Variants in OPRM1 observed in about 807,000 individuals in gnomAD.
OPRM1 encodes opioid receptor mu 1, also known as mu-type opioid receptor.
A neutral mutation model predicts 31.8 loss-of-function variants in OPRM1; 27 were observed. The ratio of observed to expected loss-of-function variants is 0.85; its 90% CI spans 0.63 to 1.17. OPRM1 has a LOEUF of 1.17. Ranked by LOEUF, OPRM1 falls within the 50% of genes most tolerant of loss-of-function variation. The probability of loss-of-function intolerance (pLI) is 0.00; values close to 1 mark genes in which losing one functional copy is unlikely to be tolerated. For missense variants in OPRM1, 536 were observed against 511.1 expected (o/e 1.05, Z -0.47); for synonymous variants, 196 against 189.9 (o/e 1.03, Z -0.26).
downstream of OPRM1, among the ~76,000 whole-genome samples, chr6:154,135,293 AC>A (rs930105007): frequency 2.0e-5 from 3 of 152,026 alleles, no homozygotes; most frequent in African/African-American, 7.2e-5. Flanking sequence ...ACATGGCAAC[AC>A]CCCGTCTCTA....
intron 1 of OPRM1, among the ~76,000 whole-genome samples, chr6:154,026,328 T>C (rs1046525013): frequency 1.5e-4 from 23 of 152,108 alleles, no homozygotes; most frequent in African/African-American, 5.1e-4. Context: ...AATTGTATGT[T>C]GTTTGTTTCT....
In OPRM1 at chr6:154,125,292, C is replaced by T. The variant is rs1324760647; in HGVS notation, c.*6571C>T. ...ACCTGAATTTGCCTCTATCATGCATCTCAATGATTTGTTGTCATCCAAAGC... is the reference window on the plus strand; with the variant it reads ...ACCTGAATTTGCCTCTATCATGCATTTCAATGATTTGTTGTCATCCAAAGC... On this transcript the variant is annotated 3_prime_UTR_variant, in exon 4 of 4. Coordinates refer to ENST00000330432, the MANE Select transcript of OPRM1 (RefSeq NM_000914.5). Among the ~76,000 whole-genome samples, 1 of 152,200 alleles carries T rather than the reference C, an allele frequency of 6.6e-6. No individual in the cohort carries two copies. The highest frequency in any genetic ancestry group is 1.5e-5 in the Non-Finnish European group (1 of 68,036).
At chr6:154,019,826 C>G (rs375395095) in intron 1 of OPRM1, among the ~76,000 whole-genome samples, 2 of 150,456 alleles carry the variant, frequency 1.3e-5, no homozygotes, top group South Asian at 4.2e-4. Flanking sequence ...CTCTCCTTTC[C>G]GGGCTCAAGC....
chr6:154,246,540 A>G, intron 3 of OPRM1: 1 of 1,560,418 alleles, frequency 6.4e-7, no homozygotes, highest in South Asian at 1.2e-5. Context: ...GATGCCTTTA[A>G]CGTATCCCTC....
At chr6:154,133,304 G>C (rs1451828186), downstream of OPRM1, among the ~76,000 whole-genome samples, 1 of 152,028 alleles carries the variant, frequency 6.6e-6, no homozygotes, top group Admixed American at 6.6e-5. Context: ...TTTTTATCTT[G>C]TCCTTCTTCT....
chr6:154,031,708 T>C (rs751750652), intron 1 of OPRM1, among the ~76,000 whole-genome samples: 7 of 152,066 alleles, frequency 4.6e-5, no homozygotes, highest in Non-Finnish European at 8.8e-5. Context: ...GCCATTGCAC[T>C]CCAGCCTGGG....
At chr6:154,211,762 T>C (rs1010564962) in intron 3 of OPRM1, among the ~76,000 whole-genome samples, 2 of 152,214 alleles carry the variant, frequency 1.3e-5, no homozygotes, top group Non-Finnish European at 2.9e-5. Flanking sequence ...AGTGATTGTG[T>C]TTTTTGCATT....
intron 3 of OPRM1, among the ~76,000 whole-genome samples, chr6:154,150,220 C>T (rs1433867568): frequency 6.6e-6 from 1 of 152,196 alleles, no homozygotes; most frequent in African/African-American, 2.4e-5. Flanking sequence ...TGGGCTCTTG[C>T]CCAGCATGAA....
chr6:154,166,451 T>A (rs770872781), intron 3 of OPRM1, among the ~76,000 whole-genome samples: 1 of 152,244 alleles, frequency 6.6e-6, no homozygotes, highest in Non-Finnish European at 1.5e-5. Flanking sequence ...AACTACAGCT[T>A]ATTATCCGTT....
chr6:154,177,933 T>C (rs1800484520), intron 3 of OPRM1, among the ~76,000 whole-genome samples: 1 of 152,162 alleles, frequency 6.6e-6, no homozygotes, highest in South Asian at 2.1e-4. Context: ...ATGTGTCACA[T>C]ATACACCATG....
chr6:154,180,657 T>C (rs1014867002), intron 3 of OPRM1, among the ~76,000 whole-genome samples: 1 of 152,110 alleles, frequency 6.6e-6, no homozygotes, highest in African/African-American at 2.4e-5. Context: ...TGCTATATTT[T>C]CAACTCTGCC....
At chr6:154,240,634 G>T (rs1160715233) in intron 3 of OPRM1, among the ~76,000 whole-genome samples, 1 of 152,148 alleles carries the variant, frequency 6.6e-6, no homozygotes, top group East Asian at 1.9e-4. Context: ...TCTGCCCAAT[G>T]TAAAAAGTGA....
intron 1 of OPRM1, among the ~76,000 whole-genome samples, chr6:154,012,683 T>C (rs532030371): frequency 6.6e-6 from 1 of 152,284 alleles, no homozygotes; most frequent in East Asian, 1.9e-4. Flanking sequence ...TTTCTAAAAA[T>C]GAATGAAATG....
chr6:154,202,708 A>T (rs1777169053), intron 3 of OPRM1, among the ~76,000 whole-genome samples: 1 of 152,122 alleles, frequency 6.6e-6, no homozygotes. Flanking sequence ...AAGTATCAAG[A>T]CCTGTTAAAT....
At chr6:154,166,753 T>G (rs1268670395) in intron 3 of OPRM1, among the ~76,000 whole-genome samples, 1 of 152,208 alleles carries the variant, frequency 6.6e-6, no homozygotes, top group Non-Finnish European at 1.5e-5. Context: ...CTTTACTCAC[T>G]CATATCAGCT....
At chr6:154,160,146 CA>C (rs1217517923) in intron 3 of OPRM1, 4 of 860,992 alleles carry the variant, frequency 4.6e-6, no homozygotes, top group Non-Finnish European at 7.2e-6. Context: ...ATAAAATTAC[CA>C]AAGCATTTTT....
rs528902698 is a variant in OPRM1, at chr6:154,126,447, T to C, written c.*7726T>C. On this transcript the variant is annotated 3_prime_UTR_variant, in exon 4 of 4. Coordinates refer to ENST00000330432, the MANE Select transcript of OPRM1 (RefSeq NM_000914.5). ...AGAACAACAATTATATTCCCCCATT[T>C]CAAGAAGGGCAGAAGTGTCCCAACA... Among the ~76,000 whole-genome samples, 1 of 152,320 alleles carries C rather than the reference T, an allele frequency of 6.6e-6. No homozygotes were observed. The highest frequency in any genetic ancestry group is 1.9e-4 in the East Asian group (1 of 5,188).
intron 3 of OPRM1, among the ~76,000 whole-genome samples, chr6:154,116,262 A>G (rs768780623): frequency 6.6e-6 from 1 of 152,126 alleles, no homozygotes; most frequent in South Asian, 2.1e-4. Context: ...AGCTTCCTCC[A>G]TGGGGTTTCA....
chr6:154,166,608 T>A (rs1203604009), intron 3 of OPRM1, among the ~76,000 whole-genome samples: 7 of 152,096 alleles, frequency 4.6e-5, no homozygotes, highest in Admixed American at 4.6e-4. Flanking sequence ...TCAACCAGAG[T>A]ATTTTTGCAC....
Sources: allele counts gnomAD v4.1 joint callset (sites outside exome capture counted in the v4.1 genomes callset), GRCh38; gene constraint gnomAD v4.1.1; transcripts MANE v1.5; gene names NCBI Gene and HGNC (gene_info 2026-07-23, HGNC 2026-07-21).